Variants in CYRIB observed in about 807,000 individuals in gnomAD.
CYRIB encodes CYFIP related Rac1 interactor B, also known as CYFIP-related Rac1 interactor B.
CYRIB carries 8 observed loss-of-function variants against 44.2 expected under a neutral mutation model. The ratio of observed to expected loss-of-function variants is 0.18; its 90% CI spans 0.11 to 0.33. CYRIB has a LOEUF of 0.33. Among genes scored for constraint, CYRIB ranks in the 10% least tolerant of loss-of-function variants. The probability of loss-of-function intolerance (pLI) is 1.00; values close to 1 mark genes in which losing one functional copy is unlikely to be tolerated. For missense variants in CYRIB, 185 were observed against 382.8 expected (o/e 0.48, Z 4.31); for synonymous variants, 131 against 127.2 (o/e 1.03, Z -0.20).
intron 1 of CYRIB, among the ~76,000 whole-genome samples, chr8:129,920,645 A>G (rs943940720): frequency 6.6e-6 from 1 of 152,172 alleles, no homozygotes; most frequent in African/African-American, 2.4e-5. Context: ...GGAAAAGATA[A>G]ATAAAATTTG....
At chr8:129,994,068 A>C (rs2096710629) in intron 1 of CYRIB, among the ~76,000 whole-genome samples, 1 of 152,194 alleles carries the variant, frequency 6.6e-6, no homozygotes, top group African/African-American at 2.4e-5. Context: ...CTAATGTCAA[A>C]GAACGTAACC....
At chr8:130,007,179 G>A (rs2097121445) in intron 1 of CYRIB, among the ~76,000 whole-genome samples, 1 of 152,096 alleles carries the variant, frequency 6.6e-6, no homozygotes, top group African/African-American at 2.4e-5. Context: ...TTGGCCCTGA[G>A]GGCTGCTGAG....
intron 4 of CYRIB, among the ~76,000 whole-genome samples, chr8:129,867,454 A>C (rs1357532248): frequency 6.6e-6 from 1 of 151,962 alleles, no homozygotes; most frequent in Non-Finnish European, 1.5e-5. Flanking sequence ...ACAAAAAAAA[A>C]GTTAAAATGG....
At chr8:129,964,140 A>G (rs1350802791) in intron 2 of CYRIB, among the ~76,000 whole-genome samples, 1 of 152,252 alleles carries the variant, frequency 6.6e-6, no homozygotes, top group Non-Finnish European at 1.5e-5. Context: ...TGTTTTGAGA[A>G]GAAAGGCCCC....
chr8:129,920,266 T>C (rs191588733), intron 1 of CYRIB, among the ~76,000 whole-genome samples: 36 of 152,254 alleles, frequency 2.4e-4, no homozygotes, highest in African/African-American at 8.2e-4. Context: ...ACATGTCTTA[T>C]GAGCTTTTCT....
At chr8:129,913,222 C>G (rs2078979495) in intron 1 of CYRIB, among the ~76,000 whole-genome samples, 1 of 152,146 alleles carries the variant, frequency 6.6e-6, no homozygotes, top group African/African-American at 2.4e-5. Flanking sequence ...CCACCTGCCT[C>G]AGCCTCCCAA....
At chr8:129,891,801 A>G (rs932424849) in intron 2 of CYRIB, among the ~76,000 whole-genome samples, 1 of 152,154 alleles carries the variant, frequency 6.6e-6, no homozygotes, top group Non-Finnish European at 1.5e-5. Flanking sequence ...ATTCCACTCC[A>G]TCTTGCCTAA....
intron 4 of CYRIB, among the ~76,000 whole-genome samples, chr8:129,866,507 A>G (rs2053676948): frequency 7.2e-6 from 1 of 139,026 alleles, no homozygotes; most frequent in African/African-American, 3.0e-5. Context: ...AAAAAAAAAT[A>G]ATAATAACTT....
chr8:130,014,264 T>G (rs1360080276), intron 1 of CYRIB, among the ~76,000 whole-genome samples: 3 of 152,114 alleles, frequency 2.0e-5, no homozygotes, highest in Non-Finnish European at 2.9e-5. Context: ...ACCCCATCTC[T>G]ACAAAACATT....
At chr8:129,900,974 C>A (rs1045664169) in intron 2 of CYRIB, among the ~76,000 whole-genome samples, 3 of 152,200 alleles carry the variant, frequency 2.0e-5, no homozygotes, top group Admixed American at 1.3e-4. Flanking sequence ...ACGCGCCCAG[C>A]CCTGATACTT....
At chr8:129,965,775 G>A (rs977238636) in intron 2 of CYRIB, among the ~76,000 whole-genome samples, 13 of 150,996 alleles carry the variant, frequency 8.6e-5, no homozygotes, top group African/African-American at 1.5e-4. Flanking sequence ...CAGCCTGGGC[G>A]ACAGAGCAAG....
At chr8:129,871,406 G>A in exon 4 of CYRIB, 3 of 1,610,050 alleles carry the variant, frequency 1.9e-6, no homozygotes, top group Non-Finnish European at 2.5e-6. Context: ...TCCTCTGTAT[G>A]ACTGCAAGTC....
At chr8:129,993,028 C>T (rs1591996679) in intron 1 of CYRIB, among the ~76,000 whole-genome samples, 1 of 152,152 alleles carries the variant, frequency 6.6e-6, no homozygotes, top group African/African-American at 2.4e-5. Context: ...TGTGGATGGG[C>T]AAGGCTGGGG....
At chr8:129,925,922 C>T (rs1226483805) in intron 1 of CYRIB, among the ~76,000 whole-genome samples, 2 of 152,214 alleles carry the variant, frequency 1.3e-5, no homozygotes, top group South Asian at 2.1e-4. Context: ...GGTTAAAAAA[C>T]GTTTCCAATT....
chr8:129,873,211 T>C (rs2057974977), intron 3 of CYRIB, among the ~76,000 whole-genome samples: 1 of 151,960 alleles, frequency 6.6e-6, no homozygotes, highest in Admixed American at 6.6e-5. Flanking sequence ...AGGAGGAAAA[T>C]ACTGTGACAA....
chr8:129,950,527 G>A (rs567886055), intron 2 of CYRIB, among the ~76,000 whole-genome samples: 3 of 151,514 alleles, frequency 2.0e-5, no homozygotes, highest in Admixed American at 1.3e-4. Flanking sequence ...AAGAGATCAC[G>A]CCACTGCACT....
At chr8:129,925,608 G>C (rs16904178) in intron 1 of CYRIB, among the ~76,000 whole-genome samples, 6,870 of 152,044 alleles carry the variant, frequency 0.045, 545 homozygotes, top group African/African-American at 0.16. Context: ...GTGATCTATG[G>C]GAAACACAGA....
intron 9 of CYRIB, chr8:129,850,443 C>T (rs1253848688): frequency 3.5e-5 from 6 of 171,214 alleles, no homozygotes; most frequent in Admixed American, 6.4e-5. Flanking sequence ...ATAATTCCAG[C>T]CCTTTGGCAA....
At chr8:129,923,431 C>A (rs2085125826) in intron 1 of CYRIB, among the ~76,000 whole-genome samples, 1 of 151,750 alleles carries the variant, frequency 6.6e-6, no homozygotes, top group Admixed American at 6.6e-5. Context: ...CTCGCCACCA[C>A]ACCCAGCTAA....
Sources: gnomAD v4.1 joint callset for allele counts (sites outside exome capture counted in the v4.1 genomes callset) on GRCh38, gnomAD v4.1.1 for gene constraint, MANE v1.5 for transcripts, NCBI Gene and HGNC (gene_info 2026-07-23, HGNC 2026-07-21) for gene names.